Variants in MOXD1 observed in about 807,000 individuals in gnomAD.
MOXD1 encodes the protein monooxygenase DBH like 1.
Under a neutral mutation model 66.6 loss-of-function variants are expected in MOXD1, and 62 were observed. The observed-to-expected ratio is 0.93, with a 90% CI of 0.76 to 1.15. The LOEUF is 1.15. MOXD1 is among the 50% of genes most tolerant of loss of function. The probability of loss-of-function intolerance (pLI) is 0.00; values close to 1 mark genes in which losing one functional copy is unlikely to be tolerated. For missense variants in MOXD1, 847 were observed against 754.6 expected (o/e 1.12, Z -1.44); for synonymous variants, 303 against 281.9 (o/e 1.07, Z -0.75).
Position 132,311,144 on chromosome 6 carries a change from TATC to T in MOXD1, c.1508+4488_1508+4490del, listed in dbSNP as rs1057262496. On this transcript the variant is annotated intron_variant, in intron 10 of 11. Coordinates refer to ENST00000367963, the MANE Select transcript of MOXD1 (RefSeq NM_015529.4). ...AAGGGAAAGAAATATGACCCTAAAA[TATC>T]ATATCCAGCCAAACTGCTATCCAAA... Among the ~76,000 whole-genome samples, 100 of 152,174 alleles carry T rather than the reference TATC, an allele frequency of 6.6e-4. 1 individual carries two copies. Among genetic ancestry groups the T allele is most frequent in the African/African-American group, 2.3e-3 (97 of 41,540 alleles).
intron 10 of MOXD1, among the ~76,000 whole-genome samples, chr6:132,300,512 G>A (rs1446079689): frequency 6.6e-6 from 1 of 152,162 alleles, no homozygotes; most frequent in African/African-American, 2.4e-5. Flanking sequence ...GTAACCATCT[G>A]AAACACCACA....
At chr6:132,358,533 AT>A (rs1271710870) in intron 4 of MOXD1, among the ~76,000 whole-genome samples, 5 of 152,218 alleles carry the variant, frequency 3.3e-5, no homozygotes, top group Non-Finnish European at 5.9e-5. Context: ...CTAAAATTCA[AT>A]ATTTTAAAAG....
chr6:132,303,708 TAC>T lies in MOXD1; in HGVS notation c.1509-5755_1509-5754del, dbSNP rs1230084737. ...GAAAGCAGAGGGCTGACTGTATACA[TAC>T]ACACACACACACACACACACACACA... On this transcript the variant is annotated intron_variant, in intron 10 of 11. Coordinates refer to ENST00000367963, the MANE Select transcript of MOXD1 (RefSeq NM_015529.4). Among the ~76,000 whole-genome samples, 685 of 135,896 alleles carry T rather than the reference TAC, an allele frequency of 5.0e-3. 2 individuals are homozygous for T. The highest frequency in any genetic ancestry group is 0.015 in the Middle Eastern group (4 of 260). 89.2% of individuals were successfully genotyped at this position (135,896 alleles called of 152,430 possible). A position where few individuals can be genotyped will look rare whatever the true frequency, so the allele number is the denominator to read the frequency against.
chr6:132,336,991 T>C (rs1179446318), intron 4 of MOXD1, among the ~76,000 whole-genome samples: 2 of 152,098 alleles, frequency 1.3e-5, no homozygotes, highest in East Asian at 3.9e-4. Flanking sequence ...CCAGGGATGA[T>C]GTTTCTCAGC....
chr6:132,368,153 A>G (rs999813998), intron 4 of MOXD1, among the ~76,000 whole-genome samples: 1 of 152,088 alleles, frequency 6.6e-6, no homozygotes, highest in Non-Finnish European at 1.5e-5. Context: ...AATAACCCCC[A>G]TTTCTAGCAA....
At chr6:132,355,376 C>T (rs1270793090) in intron 4 of MOXD1, among the ~76,000 whole-genome samples, 2 of 152,178 alleles carry the variant, frequency 1.3e-5, no homozygotes, top group African/African-American at 2.4e-5. Flanking sequence ...ATTGACTCAA[C>T]TCCAGGTAAG....
chr6:132,359,650 C>G lies in MOXD1; in HGVS notation c.663+12958G>C, dbSNP rs572674880. Among the ~76,000 whole-genome samples the G allele has an allele frequency of 5.1e-4, 78 of 152,118 alleles. 1 individual carries two copies. In the South Asian group the frequency reaches 6.8e-3, roughly 13 times the overall value. ...TACAGGCGCCCGCCACGAAGCCCGG[C>G]TAATTTTTTGTATTTTTAGTAGAGG... On this transcript the variant is annotated intron_variant, in intron 4 of 11. Transcript: ENST00000367963.
chr6:132,338,875 C>T (rs1053813666), intron 4 of MOXD1, among the ~76,000 whole-genome samples: 1 of 152,142 alleles, frequency 6.6e-6, no homozygotes, highest in African/African-American at 2.4e-5. Context: ...GCAACAAATA[C>T]CTTGTAGGTG....
chr6:132,345,329 G>A (rs1320588294), intron 4 of MOXD1, among the ~76,000 whole-genome samples: 1 of 152,096 alleles, frequency 6.6e-6, no homozygotes, highest in Non-Finnish European at 1.5e-5. Context: ...ATAATGGTCT[G>A]TAGGTTCTTT....
chr6:132,327,658 C>T (rs780538367), intron 6 of MOXD1, among the ~76,000 whole-genome samples: 11 of 152,070 alleles, frequency 7.2e-5, no homozygotes, highest in East Asian at 1.9e-4. Context: ...CTTTTTCTTA[C>T]GTGCAGTTAG....
At chr6:132,383,047 G>T (rs1339403259) in intron 1 of MOXD1, among the ~76,000 whole-genome samples, 1 of 152,212 alleles carries the variant, frequency 6.6e-6, no homozygotes, top group Non-Finnish European at 1.5e-5. Flanking sequence ...AAGCACAGCT[G>T]CAGGGAGATT....
In MOXD1 at chr6:132,322,786, GC is replaced by G. The variant is rs1562281826; in HGVS notation, c.1197del (p.Arg400ValfsTer9). Reference protein sequence around the residue: ...HAHLAGRGIRLRHFRKGKEMK... With the variant: ...HAHLAGRGIRXRHFRKGKEMK... Reference sequence around the variant, plus strand: ...ATTTCCTTCCCTTTTCGAAAATGACGCAGCCTGATGCCTCTGCCAGCCAGGT... The same window carrying G: ...ATTTCCTTCCCTTTTCGAAAATGACGAGCCTGATGCCTCTGCCAGCCAGGT... On this transcript the variant is annotated frameshift_variant, in exon 8 of 12. Coordinates refer to ENST00000367963, the MANE Select transcript of MOXD1 (RefSeq NM_015529.4). LOFTEE classifies it high-confidence loss of function. 1.2e-6 allele frequency: 2 copies of G among 1,613,972 alleles called. No homozygotes were observed.
rs1298459744 is a variant in MOXD1 at position 132,306,234 on chromosome 6, C to G, written c.1509-8279G>C. 3.3e-5 allele frequency among the ~76,000 whole-genome samples: 5 copies of G among 151,564 alleles called. 1 individual carries two copies. Among genetic ancestry groups the G allele is most frequent in the Admixed American group, 3.3e-4 (5 of 15,210 alleles). ...TGAAGCATACACAAATATCAACAGC[C>G]GAATCAACCAAGCAGAAGAAAAGAT... is the stretch of plus-strand genomic sequence containing the variant. On this transcript the variant is annotated intron_variant, in intron 10 of 11. Coordinates refer to ENST00000367963, the MANE Select transcript of MOXD1 (RefSeq NM_015529.4).
rs770359536 is a variant in MOXD1, at chr6:132,315,717, T to A, written c.1426A>T (p.Asn476Tyr). Residue 476 changes from asparagine (N) to tyrosine (Y), a missense_variant, in exon 10 of 12, where the codon AAT becomes TAT. Coordinates refer to ENST00000367963, the MANE Select transcript of MOXD1 (RefSeq NM_015529.4). ...LSYLLYYPRI[N>Y]LTRCASIPDI... is the part of the protein sequence containing the mutation. ...GGAATACTTGCACATCGAGTAAGATTAATTCTTGGGTAATAAAGAAGGTAT... is the reference window on the plus strand; with the variant it reads ...GGAATACTTGCACATCGAGTAAGATAAATTCTTGGGTAATAAAGAAGGTAT... 2 of 1,613,456 alleles carry A rather than the reference T, an allele frequency of 1.2e-6. No homozygotes were observed. Among genetic ancestry groups the A allele is most frequent in the Non-Finnish European group, 1.7e-6 (2 of 1,179,486 alleles).
intron 1 of MOXD1, among the ~76,000 whole-genome samples, chr6:132,375,655 C>A (rs1006035369): frequency 2.6e-5 from 4 of 152,070 alleles, no homozygotes; most frequent in African/African-American, 9.7e-5. Context: ...CTCCTGACCT[C>A]GTGATCTGCC....
chr6:132,377,199 G>A (rs1159219064), intron 1 of MOXD1, among the ~76,000 whole-genome samples: 1 of 152,144 alleles, frequency 6.6e-6, no homozygotes, highest in Non-Finnish European at 1.5e-5. Flanking sequence ...TTGAGAACTG[G>A]GTTGCAATTG....
intron 4 of MOXD1, among the ~76,000 whole-genome samples, chr6:132,331,001 T>C (rs574115839): frequency 2.6e-5 from 4 of 152,340 alleles, no homozygotes; most frequent in Non-Finnish European, 5.9e-5. Context: ...GCACTTGTTT[T>C]GTCTCTAAAA....
rs545905772 is a variant in MOXD1 at position 132,314,598 on chromosome 6, G to T, written c.1508+1037C>A. On this transcript the variant is annotated intron_variant, in intron 10 of 11. Transcript: ENST00000367963. ...ACTCTCTTGCTGCTCCACAAACACG[G>T]TAGGTTCAGACTAACCACAGGGTCA... Among the ~76,000 whole-genome samples, 271 of 151,988 alleles carry T rather than the reference G, an allele frequency of 1.8e-3. 1 individual carries two copies. Among genetic ancestry groups the T allele is most frequent in the African/African-American group, 5.2e-3 (215 of 41,464 alleles).
At chr6:132,301,782 T>TA (rs1411488547) in intron 10 of MOXD1, among the ~76,000 whole-genome samples, 1 of 152,104 alleles carries the variant, frequency 6.6e-6, no homozygotes, top group Non-Finnish European at 1.5e-5. Context: ...TAACTTCCTG[T>TA]AAAAAACTCA....
Sources: allele counts gnomAD v4.1 joint callset (sites outside exome capture counted in the v4.1 genomes callset), GRCh38; gene constraint gnomAD v4.1.1; transcripts MANE v1.5; gene names NCBI Gene and HGNC (gene_info 2026-07-23, HGNC 2026-07-21).